Variants in CD163 observed in about 807,000 individuals in gnomAD.
CD163 encodes the protein scavenger receptor cysteine-rich type 1 protein M130.
A neutral mutation model predicts 129.2 loss-of-function variants in CD163; 64 were observed. The observed-to-expected ratio is 0.50, with a 90% CI of 0.41 to 0.61. CD163 has a LOEUF of 0.61. Ranked by LOEUF, CD163 falls within the 20% of genes least tolerant of loss-of-function variation. The pLI, the probability that CD163 is intolerant of heterozygous loss-of-function variation, is 0.00. For synonymous variants in CD163, 446 were observed against 478.5 expected (o/e 0.93, Z 0.89); for missense variants, 1,061 against 1,377.9 (o/e 0.77, Z 3.64).
chr12:7,493,882 A>G (rs1949360994), intron 6 of CD163, among the ~76,000 whole-genome samples: 1 of 152,192 alleles, frequency 6.6e-6, no homozygotes, highest in African/African-American at 2.4e-5. Context: ...TAACCTTGTC[A>G]GGTAAAAAAT....
chr12:7,483,187 G>A (rs1565399812), intron 12 of CD163, 180 bp downstream of exon 12: 1 of 791,750 alleles, frequency 1.3e-6, no homozygotes, highest in Non-Finnish European at 2.0e-6. Context: ...GTGTCTCCTT[G>A]GTGAAGGCCG....
chr12:7,486,419 T>C (rs1421302901), intron 10 of CD163, 80 bp downstream of exon 10: 1 of 1,358,800 alleles, frequency 7.4e-7, no homozygotes, highest in African/African-American at 1.4e-5. Context: ...CAGGAAAATC[T>C]TTAAGATTAA....
intron 16 of CD163, among the ~76,000 whole-genome samples, chr12:7,477,659 A>G (rs1446906095): frequency 6.6e-6 from 1 of 152,100 alleles, no homozygotes; most frequent in Admixed American, 6.6e-5. Flanking sequence ...TAAAACCTAG[A>G]TGGCGGGTTG....
rs1393309609 is a variant in CD163, at chr12:7,482,627, C to T, written c.3247+16G>A. Reference sequence around the variant, plus strand: ...TATCCTGTAGACATATTAGATAAACCAAATTTGGCTCAAACCTGCAAGCCG... The same window carrying T: ...TATCCTGTAGACATATTAGATAAACTAAATTTGGCTCAAACCTGCAAGCCG... On this transcript the variant is annotated intron_variant, in intron 14 of 16. Coordinates refer to ENST00000432237, the MANE Select transcript of CD163 (RefSeq NM_203416.4). 2 of 1,613,460 alleles carry T rather than the reference C, an allele frequency of 1.2e-6. No individual in the cohort carries two copies. The highest frequency in any genetic ancestry group is 1.3e-5 in the African/African-American group (1 of 74,856).
intron 16 of CD163, among the ~76,000 whole-genome samples, chr12:7,478,161 A>G (rs1267963675): frequency 2.0e-5 from 3 of 152,112 alleles, no homozygotes; most frequent in Non-Finnish European, 2.9e-5. Context: ...GAATCTTTGT[A>G]TATTTGTCAT....
intron 16 of CD163, among the ~76,000 whole-genome samples, chr12:7,473,341 A>G (rs1480521018): frequency 6.6e-6 from 1 of 152,202 alleles, no homozygotes; most frequent in East Asian, 1.9e-4. Context: ...CAGGTTACCT[A>G]CAAAGGGCAG....
chr12:7,498,146 C>CACACACACACACAG (rs537347284), intron 4 of CD163, among the ~76,000 whole-genome samples: 27 of 148,858 alleles, frequency 1.8e-4, no homozygotes, highest in African/African-American at 6.7e-4. Context: ...CACACACACA[C>CACACACACACACAG]AGAGAGAGAG....
chr12:7,484,564 A>G (rs1273937563), intron 11 of CD163, among the ~76,000 whole-genome samples: 1 of 151,566 alleles, frequency 6.6e-6, no homozygotes, highest in African/African-American at 2.4e-5. Context: ...GCTTGAACCA[A>G]GAAGGCAGAG....
intron 10 of CD163, among the ~76,000 whole-genome samples, chr12:7,486,001 C>T (rs1949243023): frequency 6.6e-6 from 1 of 152,032 alleles, no homozygotes; most frequent in Admixed American, 6.5e-5. Context: ...TAAAACTCAC[C>T]ATGTATACAA....
chr12:7,496,159 G>C lies in CD163; in HGVS notation c.1099+654C>G, dbSNP rs1350552498. Among the ~76,000 whole-genome samples, 1 of 152,162 alleles carries C rather than the reference G, an allele frequency of 6.6e-6. No homozygotes were observed. The highest frequency in any genetic ancestry group is 6.5e-5 in the Admixed American group (1 of 15,274). ...ACTACGCAGCCATAAAAAAGAATGA[G>C]TTTATGTCCTTTGAAGGGACACAGA... On this transcript the variant is annotated intron_variant, in intron 5 of 16. Transcript: ENST00000432237. The surrounding 1 kb of genome is among the most constrained non-coding windows in gnomAD (Gnocchi z 4.8).
chr12:7,500,026 G>A (rs965678422), intron 3 of CD163, among the ~76,000 whole-genome samples: 3 of 152,156 alleles, frequency 2.0e-5, no homozygotes, highest in Admixed American at 2.0e-4. Flanking sequence ...GCTACTGTGT[G>A]TTTCTCTTAT....
chr12:7,501,662 A>G (rs1949491635), intron 2 of CD163, among the ~76,000 whole-genome samples, 200 bp from the exon 3 acceptor site: 1 of 152,258 alleles, frequency 6.6e-6, no homozygotes, highest in Admixed American at 6.5e-5. Context: ...AAGCAGTGCT[A>G]TATGACCAGT....
Position 7,501,304 on chromosome 12 carries a change from T to A in CD163, c.292A>T (p.Ile98Phe). 6.2e-7 allele frequency: 1 copy of A among 1,614,184 alleles called. No individual in the cohort carries two copies. Among genetic ancestry groups the A allele is most frequent in the Non-Finnish European group, 8.5e-7 (1 of 1,180,014 alleles). Residue 98 changes from isoleucine (I) to phenylalanine (F), a missense_variant, in exon 3 of 17, where the codon ATC (isoleucine) becomes TTC (phenylalanine). By Grantham distance (21) the Ile-to-Phe change is conservative (BLOSUM62 0). Coordinates refer to ENST00000432237, the MANE Select transcript of CD163 (RefSeq NM_203416.4). The part of the protein sequence containing the change: ...ICNQLGCPTA[I>F]KAPGWANSSA... Reference sequence around the variant, plus strand: ...GAATTAGCCCATCCAGGGGCTTTGATAGCAGTTGGACATCCCAGCTGGTTA... The same window carrying A: ...GAATTAGCCCATCCAGGGGCTTTGAAAGCAGTTGGACATCCCAGCTGGTTA...
In CD163 at chr12:7,501,299, T is replaced by A. The variant is rs991989458; in HGVS notation, c.297A>T (p.Lys99Asn). The A allele has an allele frequency of 6.2e-7, 1 of 1,614,194 alleles. No homozygotes were observed. Among genetic ancestry groups the A allele is most frequent in the East Asian group, 2.2e-5 (1 of 44,880 alleles). ...CNQLGCPTAI[K>N]APGWANSSAG... is the part of the protein sequence containing the mutation. The stretch of plus-strand genomic sequence containing the variant: ...CACTGGAATTAGCCCATCCAGGGGC[T>A]TTGATAGCAGTTGGACATCCCAGCT... Residue 99 changes from lysine to asparagine, a missense_variant, in exon 3 of 17, where the codon AAA becomes AAT. Transcript: ENST00000432237.
chr12:7,486,847 A>C, intron 9 of CD163, 34 bp from the exon 10 acceptor site: 1 of 1,604,232 alleles, frequency 6.2e-7, no homozygotes, highest in Non-Finnish European at 8.5e-7. Flanking sequence ...AATAATGAGC[A>C]TTCCACTTGT....
rs767388298 is a variant in CD163 at position 7,481,150 on chromosome 12, A to G, written c.3343+11T>C. 88 of 1,613,128 alleles carry G rather than the reference A, an allele frequency of 5.5e-5. No individual in the cohort carries two copies. The highest frequency in any genetic ancestry group is 7.4e-5 in the Non-Finnish European group (87 of 1,179,486). On this transcript the variant is annotated intron_variant, in intron 15 of 16. Transcript: ENST00000432237. ...ACCCCTGGGCAATAGACCCTCCAAG[A>G]ACCCACAGACCTGAGGAATTCATTA... is the stretch of plus-strand genomic sequence containing the variant.
In CD163 at chr12:7,483,299, A is replaced by T. The variant is rs1949189272; in HGVS notation, c.3088+68T>A. 4 of 1,463,048 alleles carry T rather than the reference A, an allele frequency of 2.7e-6. No homozygotes were observed. The Admixed American group carries it at 7.3e-5, about 27-fold the overall frequency. 90.6% of individuals were successfully genotyped at this position (1,463,048 alleles called of 1,614,324 possible). A position where few individuals can be genotyped will look rare whatever the true frequency, so the allele number is the denominator to read the frequency against. On this transcript the variant is annotated intron_variant, in intron 12 of 16. Transcript: ENST00000432237. ...CTGATAAATCCGGTTTTTACACAAC[A>T]CACATCACTGCCCAACCCCTCTTTG...
At chr12:7,498,254 T>C (rs1203762917) in intron 4 of CD163, among the ~76,000 whole-genome samples, 2 of 152,108 alleles carry the variant, frequency 1.3e-5, no homozygotes, top group Non-Finnish European at 2.9e-5. Flanking sequence ...TCTCCTTTTA[T>C]ACTAAGAATT....
At chr12:7,480,842 T>A (rs1008181662) in intron 15 of CD163, 94 of 989,196 alleles carry the variant, frequency 9.5e-5, no homozygotes, top group Non-Finnish European at 1.1e-4. Context: ...AAAGTTAAAC[T>A]GTCACTTATG....
Sources: gnomAD v4.1 joint callset for allele counts (sites outside exome capture counted in the v4.1 genomes callset) on GRCh38, gnomAD v4.1.1 for gene constraint, Gnocchi (gnomAD v3.1) non-coding constraint, MANE v1.5 for transcripts, NCBI Gene and HGNC (gene_info 2026-07-23, HGNC 2026-07-21) for gene names.